Variants in TRIM23 observed in about 807,000 individuals in gnomAD.
The protein encoded by TRIM23 is E3 ubiquitin-protein ligase TRIM23.
TRIM23 carries 27 observed loss-of-function variants against 71.0 expected under a neutral mutation model. The observed-to-expected ratio is 0.38, with a 90% CI of 0.28 to 0.52. The LOEUF is 0.52. Among genes scored for constraint, TRIM23 ranks in the 20% least tolerant of loss-of-function variants. TRIM23 has a pLI of 0.84. For synonymous variants in TRIM23, 234 were observed against 238.0 expected (o/e 0.98, Z 0.16); for missense variants, 482 against 692.3 (o/e 0.70, Z 3.41).
intron 7 of TRIM23, among the ~76,000 whole-genome samples, chr5:65,599,698 T>C (rs1754310078): frequency 6.6e-6 from 1 of 152,176 alleles, no homozygotes; most frequent in Non-Finnish European, 1.5e-5. Flanking sequence ...GCAATCCCTA[T>C]CAAAATCCCA....
chr5:65,610,775 G>T (rs567578885), intron 5 of TRIM23, 86 bp downstream of exon 5: 173 of 1,192,618 alleles, frequency 1.5e-4, no homozygotes, highest in Non-Finnish European at 2.0e-4. Context: ...CTGGCAAATT[G>T]TAATTGCCCA....
chr5:65,606,617 A>T (rs937798765), intron 6 of TRIM23, among the ~76,000 whole-genome samples: 1 of 152,180 alleles, frequency 6.6e-6, no homozygotes, highest in African/African-American at 2.4e-5. Flanking sequence ...CCTGTTCCTC[A>T]AACATACCAG....
chr5:65,610,977 G>A lies in TRIM23; in HGVS notation c.712C>T (p.Arg238Trp), dbSNP rs773111644. The A allele has an allele frequency of 1.4e-5, 23 of 1,613,558 alleles. No homozygotes were observed. Among genetic ancestry groups the A allele is most frequent in the Non-Finnish European group, 1.8e-5 (21 of 1,179,858 alleles). ...TCTGAGATTTCCTCTGTGAAGGTCC[G>A]TATGCAGTGAGCCATATCTAAAATT... ...ASILDMAHCIRTFTEEISDYS... is the reference protein window; with the variant it reads ...ASILDMAHCIWTFTEEISDYS... The change falls in exon 5 of 11, where the codon CGG becomes TGG. Residue 238 changes from arginine (R) to tryptophan (W), a missense_variant. Around this residue, in one of 2 missense-constraint regions of TRIM23, gnomAD observed 307 missense variants for 495.8 expected, o/e 0.62. Coordinates refer to ENST00000231524, the MANE Select transcript of TRIM23 (RefSeq NM_001656.4).
chr5:65,611,732 AG>A lies in TRIM23; in HGVS notation c.515del (p.Pro172LeufsTer60). On this transcript the variant is annotated frameshift_variant, in exon 4 of 11. Transcript: ENST00000231524. LOFTEE classifies it high-confidence loss of function. ...GCTGAGAGCACATAGTTTTCTCATG[AG>A]GTTTATCAGCTAGAGGAACTCGCCT... ...KHRRVPLADK[P>X]HEKTMCSQHQ... The A allele has an allele frequency of 6.2e-7, 1 of 1,614,186 alleles. No individual in the cohort carries two copies. The highest frequency in any genetic ancestry group is 8.5e-7 in the Non-Finnish European group (1 of 1,180,036).
chr5:65,611,029 T>G lies in TRIM23; in HGVS notation c.660A>C (p.Glu220Asp), dbSNP rs1222568294. 6.2e-7 allele frequency: 1 copy of G among 1,612,302 alleles called. No individual in the cohort carries two copies. Among genetic ancestry groups the G allele is most frequent in the East Asian group, 2.2e-5 (1 of 44,780 alleles). ...ATGCTCGGATCTGATTAGCTTCTGG[T>G]TCCAATACTGAATGCTATAAAATGT... ...KHQGHKHSVLEPEANQIRASI... is the reference protein window; with the variant it reads ...KHQGHKHSVLDPEANQIRASI... The change falls in exon 5 of 11, where the codon GAA (glutamate) becomes GAC (aspartate). Residue 220 changes from glutamate (E) to aspartate (D), a missense_variant. Coordinates refer to ENST00000231524, the MANE Select transcript of TRIM23 (RefSeq NM_001656.4).
intron 6 of TRIM23, among the ~76,000 whole-genome samples, chr5:65,606,135 T>C (rs1754491525): frequency 6.6e-6 from 1 of 152,142 alleles, no homozygotes. Flanking sequence ...ACAATGGTCC[T>C]ATCCCAATCA....
rs1291550635 is a variant in TRIM23 at position 65,594,400 on chromosome 5, CA to C, written c.1545+120del. On this transcript the variant is annotated intron_variant, in intron 10 of 10. Coordinates refer to ENST00000231524, the MANE Select transcript of TRIM23 (RefSeq NM_001656.4). ...ACAGCATTTTCACATAGATTGTACT[CA>C]AAATACACAGAAGAAACTATAAATA... 13 of 1,292,066 alleles carry C rather than the reference CA, an allele frequency of 1.0e-5. No individual in the cohort carries two copies. The African/African-American group carries it at 1.8e-4, about 18-fold the overall frequency. 80.0% of individuals were successfully genotyped at this position (1,292,066 alleles called of 1,614,324 possible).
chr5:65,619,000 A>G (rs1280575776), intron 1 of TRIM23, among the ~76,000 whole-genome samples: 1 of 152,234 alleles, frequency 6.6e-6, no homozygotes, highest in African/African-American at 2.4e-5. Flanking sequence ...AACAAATTGT[A>G]TTTATAGCAA....
chr5:65,613,619 C>T (rs1208457514), intron 3 of TRIM23: 20 of 892,972 alleles, frequency 2.2e-5, no homozygotes, highest in Non-Finnish European at 2.8e-5. Context: ...AAAGACAGTA[C>T]ATCTATACAA....
chr5:65,604,385 G>A (rs554357419), intron 7 of TRIM23, among the ~76,000 whole-genome samples: 12 of 152,092 alleles, frequency 7.9e-5, no homozygotes, highest in Admixed American at 2.6e-4. Context: ...GTGAGCCACC[G>A]CACCCGGCCC....
intron 10 of TRIM23, 66 bp downstream of exon 10, chr5:65,594,455 T>C (rs1754137061): frequency 2.0e-6 from 3 of 1,522,004 alleles, no homozygotes; most frequent in Non-Finnish European, 1.8e-6. Flanking sequence ...TTCTGAAATA[T>C]TTCCAGTTGC....
intron 1 of TRIM23, among the ~76,000 whole-genome samples, chr5:65,621,835 ATTT>A (rs1172047437): frequency 1.3e-5 from 2 of 149,558 alleles, no homozygotes; most frequent in Admixed American, 6.7e-5. Flanking sequence ...TATTATTATT[ATTT>A]TTTTTTTGAG....
intron 1 of TRIM23, among the ~76,000 whole-genome samples, chr5:65,622,431 T>G (rs560213666): frequency 2.0e-5 from 3 of 152,342 alleles, no homozygotes; most frequent in African/African-American, 7.2e-5. Flanking sequence ...CCTCCCAAAG[T>G]GCTTCCCAGG....
At chr5:65,617,991 A>G in intron 2 of TRIM23, 102 bp downstream of exon 2, 1 of 1,275,948 alleles carries the variant, frequency 7.8e-7, no homozygotes, top group South Asian at 1.8e-5. Flanking sequence ...CTTTCTGGGA[A>G]TTTTATCATT....
At chr5:65,598,953 T>A (rs1754285273) in intron 7 of TRIM23, among the ~76,000 whole-genome samples, 1 of 151,888 alleles carries the variant, frequency 6.6e-6, no homozygotes, top group African/African-American at 2.4e-5. Flanking sequence ...AAACTAGGAG[T>A]AGCAGGAAAC....
At position 65,590,549 on chromosome 5, in the gene TRIM23, A is replaced by T. The variant is rs1456735200; in HGVS notation, c.*1220T>A. ...TTCATCCTAATGTATCAGAACATTAAAAAAAAAAAAGTCTCAATGTACCTA... is the reference window on the plus strand; with the variant it reads ...TTCATCCTAATGTATCAGAACATTATAAAAAAAAAAGTCTCAATGTACCTA... On this transcript the variant is annotated 3_prime_UTR_variant, in exon 11 of 11. Transcript: ENST00000231524. The T allele has an allele frequency of 3.9e-6, 2 of 512,922 alleles. No homozygotes were observed. Among genetic ancestry groups the T allele is most frequent in the East Asian group, 9.7e-5 (1 of 10,326 alleles). 31.8% of individuals were successfully genotyped at this position (512,922 alleles called of 1,614,324 possible). A position where few individuals can be genotyped will look rare whatever the true frequency, so the allele number is the denominator to read the frequency against.
intron 1 of TRIM23, among the ~76,000 whole-genome samples, chr5:65,619,525 A>C (rs928949220): frequency 1.2e-4 from 19 of 152,194 alleles, no homozygotes; most frequent in African/African-American, 4.1e-4. Flanking sequence ...AATCAGACTA[A>C]ATCTACTATG....
At position 65,610,887 on chromosome 5, in the gene TRIM23, C is replaced by T. The variant is rs1754631820; in HGVS notation, c.802G>A (p.Gly268Arg). The stretch of plus-strand genomic sequence containing the variant: ...TGTTCTGTGTGAGCCATTCCAATTC[C>T]ATCTTCCACGATTTGTTCTCCTCCT... ...IEGGEQIVED[G>R]IGMAHTEHVP... Residue 268 changes from glycine (G) to arginine (R), a missense_variant, in exon 5 of 11, where the codon GGA becomes AGA. By Grantham distance (125) the Gly-to-Arg change is moderately radical (BLOSUM62 -2). Coordinates refer to ENST00000231524, the MANE Select transcript of TRIM23 (RefSeq NM_001656.4). 8.7e-6 allele frequency: 14 copies of T among 1,609,522 alleles called. No homozygotes were observed. The highest frequency in any genetic ancestry group is 1.1e-5 in the Non-Finnish European group (13 of 1,178,652).
intron 1 of TRIM23, among the ~76,000 whole-genome samples, chr5:65,619,884 C>A (rs979837487): frequency 2.6e-5 from 4 of 152,084 alleles, no homozygotes; most frequent in African/African-American, 9.7e-5. Context: ...GAGTTCGAGA[C>A]CAGCCTGGAC....
Sources: gnomAD v4.1 joint callset for allele counts (sites outside exome capture counted in the v4.1 genomes callset) on GRCh38, gnomAD v4.1.1 for gene constraint, gnomAD v4.1.1 regional missense constraint, MANE v1.5 for transcripts, NCBI Gene and HGNC (gene_info 2026-07-23, HGNC 2026-07-21) for gene names.